Variants in CTBP2 observed in about 807,000 individuals in gnomAD.
The protein encoded by CTBP2 is C-terminal binding protein 2.
A neutral mutation model predicts 80.3 loss-of-function variants in CTBP2; 30 were observed. The observed-to-expected ratio is 0.37, with a 90% CI of 0.28 to 0.51. The LOEUF (loss-of-function observed/expected upper bound fraction) is 0.51, where lower values mean the gene tolerates loss of function less well. CTBP2 is among the 20% of genes least tolerant of loss of function. The pLI is 0.93. For missense variants in CTBP2, 1,212 were observed against 1,375.3 expected (o/e 0.88, Z 1.88); for synonymous variants, 594 against 587.4 (o/e 1.01, Z -0.16).
At chr10:125,053,558 G>A (rs1296597602) in intron 2 of CTBP2, among the ~76,000 whole-genome samples, 2 of 152,176 alleles carry the variant, frequency 1.3e-5, no homozygotes, top group Non-Finnish European at 2.9e-5. Flanking sequence ...AGGCCCTTGG[G>A]AAATCAACAG....
intron 2 of CTBP2, among the ~76,000 whole-genome samples, chr10:125,108,821 G>A (rs1358095242): frequency 6.6e-6 from 1 of 152,242 alleles, no homozygotes; most frequent in Admixed American, 6.5e-5. Flanking sequence ...TCCAGTGATG[G>A]CCAGCTCCAG....
At chr10:125,112,704 G>T (rs1174415614) in intron 1 of CTBP2, among the ~76,000 whole-genome samples, 1 of 152,208 alleles carries the variant, frequency 6.6e-6, no homozygotes, top group Non-Finnish European at 1.5e-5. Flanking sequence ...TGGGATACAG[G>T]CATGAGCCAC....
intron 1 of CTBP2, among the ~76,000 whole-genome samples, chr10:125,017,068 T>G (rs559899517): frequency 6.6e-6 from 1 of 152,180 alleles, no homozygotes; most frequent in African/African-American, 2.4e-5. Flanking sequence ...AATCCCTTAA[T>G]GAGGCAGGGC....
intron 2 of CTBP2, among the ~76,000 whole-genome samples, chr10:125,102,267 C>A (rs1850749093): frequency 6.6e-6 from 1 of 152,342 alleles, no homozygotes; most frequent in Admixed American, 6.5e-5. Context: ...GCCCTCCTGC[C>A]ATCACCAAGG....
At chr10:125,129,564 T>C (rs183905997) in intron 1 of CTBP2, among the ~76,000 whole-genome samples, 16 of 152,184 alleles carry the variant, frequency 1.1e-4, no homozygotes, top group Non-Finnish European at 2.1e-4. Flanking sequence ...GGGCACAGTG[T>C]GTCCTGCCGA....
chr10:124,990,935 C>T (rs1286073034), intron 8 of CTBP2, among the ~76,000 whole-genome samples: 4 of 152,240 alleles, frequency 2.6e-5, no homozygotes, highest in Non-Finnish European at 5.9e-5. Flanking sequence ...CAAGGCATTT[C>T]TTTACAAGCC....
intron 2 of CTBP2, among the ~76,000 whole-genome samples, chr10:125,049,617 G>C (rs889456030): frequency 2.6e-5 from 4 of 152,190 alleles, no homozygotes; most frequent in Non-Finnish European, 5.9e-5. Flanking sequence ...AGGGCTACAT[G>C]GTGGCCAGGG....
chr10:125,143,375 G>A (rs1050811462), intron 1 of CTBP2, among the ~76,000 whole-genome samples: 1 of 152,194 alleles, frequency 6.6e-6, no homozygotes, highest in Non-Finnish European at 1.5e-5. Context: ...CTACTCAGGA[G>A]GCTGAGAAAG....
chr10:125,075,882 C>T (rs534006294), intron 2 of CTBP2, among the ~76,000 whole-genome samples: 4 of 152,330 alleles, frequency 2.6e-5, no homozygotes, highest in Non-Finnish European at 4.4e-5. Context: ...GCGGTTTCTA[C>T]CAAAGCTGAG....
At chr10:125,072,452 T>TA (rs1845627049) in intron 2 of CTBP2, among the ~76,000 whole-genome samples, 1 of 151,666 alleles carries the variant, frequency 6.6e-6, no homozygotes, top group Non-Finnish European at 1.5e-5. Context: ...TCATCTCTAC[T>TA]AAAAACAAAA....
upstream of CTBP2, chr10:125,160,616 G>GCTCCC (rs1341873561): frequency 9.8e-4 from 14 of 14,240 alleles, no homozygotes; most frequent in African/African-American, 1.9e-3. Context: ...CCCTCCCTCC[G>GCTCCC]CTCCCCTCCC....
At chr10:125,034,774 A>C (rs1222282217) in intron 3 of CTBP2, among the ~76,000 whole-genome samples, 10 of 152,210 alleles carry the variant, frequency 6.6e-5, no homozygotes, top group African/African-American at 2.4e-4. Context: ...CTCAGAACAA[A>C]AACAAATAAA....
chr10:125,035,045 G>A (rs981411413), intron 3 of CTBP2, among the ~76,000 whole-genome samples: 16 of 152,156 alleles, frequency 1.1e-4, no homozygotes, highest in African/African-American at 3.9e-4. Context: ...CTTCCACCAT[G>A]GCAAGTTCAA....
In CTBP2 at chr10:125,026,375, G is replaced by A; in HGVS notation, c.1385C>T (p.Ala462Val). Residue 462 changes from alanine to valine, a missense_variant, in exon 1 of 9, where the codon GCC becomes GTC. Ala to Val is a moderately conservative substitution (Grantham distance 64, BLOSUM62 0). Coordinates refer to ENST00000309035, the MANE Select transcript of CTBP2 (RefSeq NM_022802.3). ...GTTTGAGGGGCCCGGGTTAGTCAAGGCCACCCCTGCCTGCAGGGGGTACGT... is the reference window on the plus strand; with the variant it reads ...GTTTGAGGGGCCCGGGTTAGTCAAGACCACCCCTGCCTGCAGGGGGTACGT... The A allele has an allele frequency of 6.2e-7, 1 of 1,612,374 alleles. No homozygotes were observed. Among genetic ancestry groups the A allele is most frequent in the Non-Finnish European group, 8.5e-7 (1 of 1,178,854 alleles).
intron 1 of CTBP2, among the ~76,000 whole-genome samples, chr10:125,151,086 A>C (rs1859764519): frequency 6.6e-6 from 1 of 152,124 alleles, no homozygotes; most frequent in South Asian, 2.1e-4. Context: ...ACACTAAGTA[A>C]GTGCTCAAGA....
chr10:125,085,391 C>T (rs75224029), intron 2 of CTBP2, among the ~76,000 whole-genome samples: 28,223 of 152,180 alleles, frequency 0.19, 3,039 homozygotes, highest in Middle Eastern at 0.27. Context: ...TGTACACACG[C>T]CTGACTCTCT....
At chr10:125,137,953 G>A (rs978565124) in intron 1 of CTBP2, 1 of 152,210 alleles carries the variant, frequency 6.6e-6, no homozygotes, top group Admixed American at 6.5e-5. Flanking sequence ...AGGGGACCGC[G>A]GGAGGGGCAC....
At chr10:125,003,513 A>G in intron 1 of CTBP2, 21 bp from the exon 4 acceptor site, 1 of 1,531,768 alleles carries the variant, frequency 6.5e-7, no homozygotes, top group Non-Finnish European at 8.8e-7. Flanking sequence ...GGAAGGGGTG[A>G]GCACAGTGGG....
In CTBP2 at chr10:125,126,165, T is replaced by C. The variant is rs1415858683; in HGVS notation, c.-205-15072A>G. Among the ~76,000 whole-genome samples the C allele has an allele frequency of 2.0e-5, 3 of 152,220 alleles. No homozygotes were observed. The East Asian group carries it at 5.8e-4, about 29-fold the overall frequency. On this transcript the variant is annotated intron_variant, in intron 1 of 10. Coordinates refer to the CTBP2 transcript ENST00000337195. ...ACACTTCGCAATGGGCCAGTTCAGC[T>C]GCTGGTGCTTTCCTGCCTTGTCCAA...
Sources: gnomAD v4.1 joint callset for allele counts (sites outside exome capture counted in the v4.1 genomes callset) on GRCh38, gnomAD v4.1.1 for gene constraint, MANE v1.5 for transcripts, NCBI Gene and HGNC (gene_info 2026-07-23, HGNC 2026-07-21) for gene names.